Variants in LHFPL6 observed in about 807,000 individuals in gnomAD.
LHFPL6 encodes the protein LHFPL tetraspan subfamily member 6, also known as LHFPL tetraspan subfamily member 6 protein.
In LHFPL6, 9 loss-of-function variants were observed where a neutral mutation model predicts 20.6. The observed-to-expected ratio is 0.44, with a 90% CI of 0.26 to 0.76. LHFPL6 has a LOEUF of 0.76. LHFPL6 is among the 30% of genes least tolerant of loss of function. LHFPL6 has a pLI of 0.20. For missense variants in LHFPL6, 218 were observed against 253.5 expected, an observed-to-expected ratio of 0.86 and a Z score of 0.95; for synonymous variants, 105 against 98.7, an observed-to-expected ratio of 1.06 and a Z score of -0.38.
chr13:39,543,045 C>T (rs1870861707), intron 2 of LHFPL6, among the ~76,000 whole-genome samples: 1 of 152,166 alleles, frequency 6.6e-6, no homozygotes. Flanking sequence ...CCCTGGTAAG[C>T]ACCATTCTCC....
chr13:39,352,171 A>G (rs1869585667), intron 3 of LHFPL6, among the ~76,000 whole-genome samples: 1 of 152,216 alleles, frequency 6.6e-6, no homozygotes, highest in South Asian at 2.1e-4. Context: ...GATGTCTAAA[A>G]TAAGCTTGCT....
intron 2 of LHFPL6, among the ~76,000 whole-genome samples, chr13:39,444,135 G>A (rs902535290): frequency 4.6e-5 from 7 of 152,124 alleles, no homozygotes; most frequent in Non-Finnish European, 8.8e-5. Context: ...TTGTGGAACG[G>A]GGGACTCAAG....
intron 2 of LHFPL6, among the ~76,000 whole-genome samples, chr13:39,479,032 GAT>G (rs770712241): frequency 0.013 from 1,645 of 123,078 alleles, 15 homozygotes; most frequent in East Asian, 0.04. Context: ...ATGGGAGATA[GAT>G]ATAGATAGAT....
chr13:39,522,306 G>A (rs779893684), intron 2 of LHFPL6, among the ~76,000 whole-genome samples: 4 of 152,194 alleles, frequency 2.6e-5, no homozygotes, highest in Non-Finnish European at 5.9e-5. Context: ...ATTACCTAAG[G>A]TACCTAAGAT....
chr13:39,561,258 G>A (rs1485087087), intron 2 of LHFPL6, among the ~76,000 whole-genome samples: 2 of 151,850 alleles, frequency 1.3e-5, no homozygotes, highest in Admixed American at 1.3e-4. Flanking sequence ...ATTATTACTT[G>A]TCAACCTCTC....
intron 2 of LHFPL6, among the ~76,000 whole-genome samples, chr13:39,565,299 C>G (rs1185531024): frequency 6.6e-6 from 1 of 151,038 alleles, no homozygotes; most frequent in Non-Finnish European, 1.5e-5. Context: ...TCAAAGAGAA[C>G]ATCATTTCTA....
chr13:39,514,438 G>C (rs1033362071), intron 2 of LHFPL6, among the ~76,000 whole-genome samples: 2 of 152,180 alleles, frequency 1.3e-5, no homozygotes, highest in African/African-American at 2.4e-5. Flanking sequence ...AAGGAAAAGT[G>C]CTCTGGCATC....
At chr13:39,496,464 GA>G (rs1869104832) in intron 2 of LHFPL6, among the ~76,000 whole-genome samples, 1 of 152,174 alleles carries the variant, frequency 6.6e-6, no homozygotes, top group East Asian at 1.9e-4. Flanking sequence ...GAGACCATAA[GA>G]CTAGTTTTAT....
intron 2 of LHFPL6, among the ~76,000 whole-genome samples, chr13:39,549,641 C>G (rs559503452): frequency 6.6e-6 from 1 of 152,172 alleles, no homozygotes; most frequent in South Asian, 2.1e-4. Flanking sequence ...GACCATATAA[C>G]CCAGCAGTCT....
chr13:39,455,016 C>G (rs7325544), intron 2 of LHFPL6, among the ~76,000 whole-genome samples: 69,525 of 151,596 alleles, frequency 0.46, 16,445 homozygotes, highest in African/African-American at 0.58. Context: ...GCCATTCCAC[C>G]CTGTGAGGGT....
At chr13:39,567,530 G>A (rs1281475364) in intron 2 of LHFPL6, among the ~76,000 whole-genome samples, 2 of 152,098 alleles carry the variant, frequency 1.3e-5, no homozygotes, top group Admixed American at 1.3e-4. Flanking sequence ...CAACTTTTAC[G>A]CTTTGTGGGC....
At chr13:39,600,491 T>C (rs1179662818) in intron 2 of LHFPL6, among the ~76,000 whole-genome samples, 1 of 152,228 alleles carries the variant, frequency 6.6e-6, no homozygotes, top group East Asian at 1.9e-4. Flanking sequence ...AAGACAAAGA[T>C]AATCTAATTG....
chr13:39,567,083 T>C (rs1201479572), intron 2 of LHFPL6, among the ~76,000 whole-genome samples: 1 of 151,646 alleles, frequency 6.6e-6, no homozygotes, highest in Non-Finnish European at 1.5e-5. Context: ...CAAACAACGT[T>C]ACAATTATTG....
chr13:39,416,666 T>G (rs1024186806), intron 2 of LHFPL6, among the ~76,000 whole-genome samples: 4 of 152,232 alleles, frequency 2.6e-5, no homozygotes, highest in African/African-American at 9.6e-5. Context: ...AAAGAGAAAG[T>G]GCTAGCTTTC....
intron 2 of LHFPL6, among the ~76,000 whole-genome samples, chr13:39,423,265 A>T (rs965781486): frequency 6.6e-6 from 1 of 152,238 alleles, no homozygotes; most frequent in Non-Finnish European, 1.5e-5. Context: ...TCTATGTGCC[A>T]AATGGCTTTA....
chr13:39,431,083 A>G (rs35782572), intron 2 of LHFPL6, among the ~76,000 whole-genome samples: 26,679 of 152,030 alleles, frequency 0.18, 2,723 homozygotes, highest in African/African-American at 0.28. Flanking sequence ...AACTCCAGAC[A>G]CGCCACCTTT....
intron 3 of LHFPL6, among the ~76,000 whole-genome samples, chr13:39,374,302 T>G (rs1407538544): frequency 1.3e-5 from 2 of 152,122 alleles, no homozygotes; most frequent in Admixed American, 6.6e-5. Context: ...ATGTTCTCAT[T>G]TATATTAATA....
intron 2 of LHFPL6, among the ~76,000 whole-genome samples, chr13:39,446,842 T>C (rs1358377900): frequency 6.6e-6 from 1 of 152,182 alleles, no homozygotes; most frequent in African/African-American, 2.4e-5. Context: ...AATTTGTCCA[T>C]ATCCAATCCC....
At chr13:39,505,995 A>G (rs1040962) in intron 2 of LHFPL6, among the ~76,000 whole-genome samples, 76,838 of 151,950 alleles carry the variant, frequency 0.51, 20,084 homozygotes, top group Admixed American at 0.56. Flanking sequence ...TTTAACCTCT[A>G]ACCACTCAAC....
Sources: gnomAD v4.1 joint callset for allele counts (sites outside exome capture counted in the v4.1 genomes callset) on GRCh38, gnomAD v4.1.1 for gene constraint, MANE v1.5 for transcripts, NCBI Gene and HGNC (gene_info 2026-07-23, HGNC 2026-07-21) for gene names.